The following ZDHHC21 variants were observed in gnomAD, a reference collection of about 807,000 sequenced individuals.
ZDHHC21 encodes palmitoyltransferase ZDHHC21.
Under a neutral mutation model 34.6 loss-of-function variants are expected in ZDHHC21, and 15 were observed. That is an observed-to-expected ratio of 0.43 (90% CI 0.29 to 0.67). ZDHHC21 has a LOEUF of 0.67. Among genes scored for constraint, ZDHHC21 ranks in the 30% least tolerant of loss-of-function variants. The probability of loss-of-function intolerance (pLI) is 0.14; values close to 1 mark genes in which losing one functional copy is unlikely to be tolerated. For synonymous variants in ZDHHC21, 142 were observed against 101.8 expected, an observed-to-expected ratio of 1.40 and a Z score of -2.38; for missense variants, 344 against 327.7, an observed-to-expected ratio of 1.05 and a Z score of -0.38.
intron 3 of ZDHHC21, among the ~76,000 whole-genome samples, chr9:14,675,450 T>A (rs2131549672): frequency 6.6e-6 from 1 of 152,002 alleles, no homozygotes; most frequent in East Asian, 1.9e-4. Flanking sequence ...GAATCATAAT[T>A]CTTCATAAAA....
At position 14,611,948 on chromosome 9, in the gene ZDHHC21, G is replaced by C. The variant is rs888053321; in HGVS notation, c.*7018C>G. The stretch of plus-strand genomic sequence containing the variant: ...TCTCTGGGAGACAGTGAATAGTGGT[G>C]AATTCTCTACTACTCAATAACTTGA... On this transcript the variant is annotated 3_prime_UTR_variant, in exon 10 of 10. Transcript: ENST00000380916. 6.6e-6 allele frequency: 1 copy of C among 151,934 alleles called. No homozygotes were observed. Among genetic ancestry groups the C allele is most frequent in the African/African-American group, 2.4e-5 (1 of 41,396 alleles). 9.4% of individuals were successfully genotyped at this position (151,934 alleles called of 1,614,324 possible).
At chr9:14,668,176 C>G (rs1378808301) in intron 5 of ZDHHC21, among the ~76,000 whole-genome samples, 1 of 125,828 alleles carries the variant, frequency 7.9e-6, no homozygotes, top group African/African-American at 3.0e-5. Context: ...AATCAATGTA[C>G]AAAAATCACA....
chr9:14,629,631 A>C (rs1826959877), intron 8 of ZDHHC21, among the ~76,000 whole-genome samples: 1 of 152,186 alleles, frequency 6.6e-6, no homozygotes, highest in Non-Finnish European at 1.5e-5. Context: ...ATTTATTGAT[A>C]AAAAATGCTA....
intron 7 of ZDHHC21, among the ~76,000 whole-genome samples, chr9:14,645,425 C>T (rs1211806643): frequency 6.6e-6 from 1 of 152,034 alleles, no homozygotes; most frequent in Non-Finnish European, 1.5e-5. Flanking sequence ...GAAACCCTGA[C>T]TTCTATCTCA....
chr9:14,688,077 T>C (rs1838613060), intron 2 of ZDHHC21, among the ~76,000 whole-genome samples: 1 of 150,352 alleles, frequency 6.7e-6, no homozygotes, highest in Admixed American at 6.6e-5. Flanking sequence ...ATTCAATTTT[T>C]TAAATATCAC....
At position 14,612,278 on chromosome 9, in the gene ZDHHC21, T is replaced by C. The variant is rs1443373135; in HGVS notation, c.*6688A>G. 2 of 152,014 alleles carry C rather than the reference T, an allele frequency of 1.3e-5. No homozygotes were observed. Among genetic ancestry groups the C allele is most frequent in the East Asian group, 3.9e-4 (2 of 5,186 alleles). The allele number at this position is 152,014 out of a possible 1,614,324, so 9.4% of individuals were successfully genotyped here. A position where few individuals can be genotyped will look rare whatever the true frequency, so the allele number is the denominator to read the frequency against. The stretch of plus-strand genomic sequence containing the variant: ...GTATCTACATTCAAGGAGAGGTTGA[T>C]TTTAGCTAACAATAATGCAAAATAT... On this transcript the variant is annotated 3_prime_UTR_variant, in exon 10 of 10. Coordinates refer to ENST00000380916, the MANE Select transcript of ZDHHC21 (RefSeq NM_178566.6).
intron 5 of ZDHHC21, among the ~76,000 whole-genome samples, chr9:14,669,369 A>C (rs1298758327): frequency 7.4e-6 from 1 of 134,350 alleles, no homozygotes; most frequent in Non-Finnish European, 1.7e-5. Flanking sequence ...GCTGGAGAGG[A>C]TGTGGAGAAA....
At chr9:14,649,702 T>A (rs983462793) in intron 7 of ZDHHC21, among the ~76,000 whole-genome samples, 5 of 152,078 alleles carry the variant, frequency 3.3e-5, no homozygotes, top group Admixed American at 2.6e-4. Flanking sequence ...ATTTTGGTAA[T>A]CATATGTATG....
rs376898732 is a variant in ZDHHC21, at chr9:14,618,923, A to G, written c.*43T>C. The G allele has an allele frequency of 1.0e-5, 16 of 1,533,972 alleles. No homozygotes were observed. Among genetic ancestry groups the G allele is most frequent in the African/African-American group, 1.4e-5 (1 of 71,882 alleles). Reference sequence around the variant, plus strand: ...TCTATTATCATAAAACCTGTAACGCATTGCCAGCATGGAGGACCCATCTGT... The same window carrying G: ...TCTATTATCATAAAACCTGTAACGCGTTGCCAGCATGGAGGACCCATCTGT... On this transcript the variant is annotated 3_prime_UTR_variant, in exon 10 of 10. Transcript: ENST00000380916.
At chr9:14,646,336 C>T (rs1378317379) in intron 7 of ZDHHC21, among the ~76,000 whole-genome samples, 2 of 152,032 alleles carry the variant, frequency 1.3e-5, no homozygotes, top group African/African-American at 4.8e-5. Flanking sequence ...ATGTGTATCA[C>T]ATTTTACAAT....
At chr9:14,633,549 C>A (rs1827742463) in intron 8 of ZDHHC21, among the ~76,000 whole-genome samples, 1 of 152,124 alleles carries the variant, frequency 6.6e-6, no homozygotes, top group Non-Finnish European at 1.5e-5. Flanking sequence ...TATTAAGAGT[C>A]CAGCCCTCAC....
At chr9:14,685,531 G>C (rs538322896) in intron 2 of ZDHHC21, among the ~76,000 whole-genome samples, 2 of 152,064 alleles carry the variant, frequency 1.3e-5, no homozygotes, top group Admixed American at 6.5e-5. Context: ...TTAGAATGGC[G>C]ATCACTAAAA....
chr9:14,637,947 C>T (rs1023344526), intron 8 of ZDHHC21, among the ~76,000 whole-genome samples: 3 of 152,004 alleles, frequency 2.0e-5, no homozygotes, highest in Non-Finnish European at 4.4e-5. Context: ...AATGACCACA[C>T]TGCCCAAAGC....
chr9:14,654,742 G>A (rs529934239), intron 7 of ZDHHC21, among the ~76,000 whole-genome samples: 9 of 152,072 alleles, frequency 5.9e-5, no homozygotes, highest in Non-Finnish European at 8.8e-5. Context: ...AGGATTTAAG[G>A]GTAGGTTAGA....
At position 14,672,844 on chromosome 9, in the gene ZDHHC21, T is replaced by C. The variant is rs932327646; in HGVS notation, c.239A>G (p.Lys80Arg). The change falls in exon 5 of 10, where the codon AAG becomes AGG. Residue 80 changes from lysine to arginine, a missense_variant. Physicochemically the swap from Lys to Arg is conservative, Grantham distance 26. Coordinates refer to ENST00000380916, the MANE Select transcript of ZDHHC21 (RefSeq NM_178566.6). ...TDPGRLPENP[K>R]IPHGEREFWE... ...GAGTACCATACCTCCATGTGGGATC[T>C]TGGGGTTCTCAGGGAGTCTTCCTGG... is the stretch of plus-strand genomic sequence containing the variant. The C allele has an allele frequency of 3.7e-6, 6 of 1,607,716 alleles. No homozygotes were observed. The highest frequency in any genetic ancestry group is 4.3e-6 in the Non-Finnish European group (5 of 1,175,778).
chr9:14,617,993 TAAATA>T lies in ZDHHC21; in HGVS notation c.*968_*972del, dbSNP rs1459544266. On this transcript the variant is annotated 3_prime_UTR_variant, in exon 10 of 10. Coordinates refer to ENST00000380916, the MANE Select transcript of ZDHHC21 (RefSeq NM_178566.6). ...GTGAAATTTTACATCTACTAGTACA[TAAATA>T]AAAGTAAAAAGTATACTCTTTTCAA... 6.6e-6 allele frequency: 1 copy of T among 152,426 alleles called. No homozygotes were observed. Among genetic ancestry groups the T allele is most frequent in the African/African-American group, 2.4e-5 (1 of 41,424 alleles). The allele number at this position is 152,426 out of a possible 1,614,324, so 9.4% of individuals were successfully genotyped here.
intron 8 of ZDHHC21, among the ~76,000 whole-genome samples, chr9:14,624,777 A>G (rs903895122): frequency 1.3e-5 from 2 of 152,098 alleles, no homozygotes; most frequent in Non-Finnish European, 2.9e-5. Flanking sequence ...TACATCTCAG[A>G]ATAGCCTGAA....
chr9:14,633,338 AG>A (rs905456744), intron 8 of ZDHHC21, among the ~76,000 whole-genome samples: 4 of 152,170 alleles, frequency 2.6e-5, no homozygotes, highest in Non-Finnish European at 5.9e-5. Flanking sequence ...GTGCAGGAAA[AG>A]GGTAAGTCAG....
intron 7 of ZDHHC21, among the ~76,000 whole-genome samples, chr9:14,643,593 GAAGT>G (rs1232209213): frequency 1.6e-4 from 25 of 152,136 alleles, no homozygotes. Flanking sequence ...TCCTGATGCT[GAAGT>G]AATAATGGCA....
Sources: gnomAD v4.1 joint callset for allele counts (sites outside exome capture counted in the v4.1 genomes callset) on GRCh38, gnomAD v4.1.1 for gene constraint, MANE v1.5 for transcripts, NCBI Gene and HGNC (gene_info 2026-07-23, HGNC 2026-07-21) for gene names.